Variants in MAF observed in about 807,000 individuals in gnomAD.
The protein encoded by MAF is MAF bZIP transcription factor, also known as transcription factor Maf.
In MAF, 10 loss-of-function variants were observed where a neutral mutation model predicts 22.0. That is an observed-to-expected ratio of 0.45 (90% CI 0.28 to 0.77). The LOEUF is 0.77. Among genes scored for constraint, MAF ranks in the 30% least tolerant of loss-of-function variants. The probability of loss-of-function intolerance (pLI) is 0.12; values close to 1 mark genes in which losing one functional copy is unlikely to be tolerated. For synonymous variants in MAF, 337 were observed against 255.8 expected, an observed-to-expected ratio of 1.32 and a Z score of -3.03; for missense variants, 544 against 548.4, an observed-to-expected ratio of 0.99 and a Z score of 0.08.
the MAF span, among the ~76,000 whole-genome samples, chr16:79,219,232 C>T: frequency 6.6e-6 from 1 of 152,170 alleles, no homozygotes; most frequent in Admixed American, 6.5e-5. Flanking sequence ...CTGATGTTCA[C>T]CAAGAGCTTG....
chr16:79,246,843 T>G, the MAF span, among the ~76,000 whole-genome samples: 18 of 152,156 alleles, frequency 1.2e-4, 1 homozygote, highest in Admixed American at 1.0e-3. Context: ...CATCCATCCA[T>G]CCATCCATCT....
chr16:79,533,738 C>T, the MAF span, among the ~76,000 whole-genome samples: 1 of 152,138 alleles, frequency 6.6e-6, no homozygotes, highest in African/African-American at 2.4e-5. Flanking sequence ...ACCTCTCCGC[C>T]ACCTCCCAGT....
the MAF span, among the ~76,000 whole-genome samples, chr16:79,247,302 G>A: frequency 6.6e-6 from 1 of 152,228 alleles, no homozygotes; most frequent in African/African-American, 2.4e-5. Flanking sequence ...TTACTGGCAT[G>A]TCAATGGAGA....
At chr16:79,387,873 T>C in the MAF span, among the ~76,000 whole-genome samples, 3 of 152,232 alleles carry the variant, frequency 2.0e-5, no homozygotes, top group African/African-American at 7.2e-5. Flanking sequence ...TAATTTCTTA[T>C]TAATTAAACT....
chr16:79,216,131 ATATG>A, the MAF span, among the ~76,000 whole-genome samples: 437 of 150,826 alleles, frequency 2.9e-3, 5 homozygotes, highest in Admixed American at 0.022. Context: ...GCACATCTGT[ATATG>A]TATATGTCAT....
the MAF span, among the ~76,000 whole-genome samples, chr16:79,351,414 C>G: frequency 2.6e-5 from 4 of 152,292 alleles, no homozygotes; most frequent in South Asian, 8.3e-4. Context: ...GGTTCATGCT[C>G]CAGGCTTGCG....
At chr16:79,570,611 C>T in the MAF span, among the ~76,000 whole-genome samples, 3 of 152,136 alleles carry the variant, frequency 2.0e-5, no homozygotes, top group East Asian at 1.9e-4. Flanking sequence ...AATGGTGTGC[C>T]GCTAGGTGTT....
the MAF span, among the ~76,000 whole-genome samples, chr16:79,330,904 T>C: frequency 6.6e-6 from 1 of 152,178 alleles, no homozygotes; most frequent in Admixed American, 6.5e-5. Context: ...TCCCATCCCT[T>C]CTGCAAAGCC....
the MAF span, among the ~76,000 whole-genome samples, chr16:79,392,185 A>AAGAAGGAGAG: frequency 1.4e-5 from 2 of 145,888 alleles, no homozygotes; most frequent in Non-Finnish European, 3.0e-5. Context: ...GAAGGAAGAG[A>AAGAAGGAGAG]AGAAGGAGAG....
the MAF span, among the ~76,000 whole-genome samples, chr16:79,425,651 G>A: frequency 6.9e-6 from 1 of 144,300 alleles, no homozygotes; most frequent in Non-Finnish European, 1.5e-5. Flanking sequence ...CATATATGGA[G>A]CATCAATTTA....
the MAF span, among the ~76,000 whole-genome samples, chr16:79,494,709 C>T: frequency 6.6e-6 from 1 of 152,154 alleles, no homozygotes; most frequent in African/African-American, 2.4e-5. Context: ...TCTCAGCAGA[C>T]ACTGACTGAG....
the MAF span, among the ~76,000 whole-genome samples, chr16:79,292,596 C>G: frequency 1.3e-5 from 2 of 152,110 alleles, no homozygotes. Context: ...GGCATTTGAA[C>G]CAGGCAACTC....
the MAF span, among the ~76,000 whole-genome samples, chr16:79,372,637 G>T: frequency 6.6e-6 from 1 of 152,122 alleles, no homozygotes; most frequent in African/African-American, 2.4e-5. Context: ...CGGTCTGGCG[G>T]GTGAGCCCCC....
At chr16:79,463,770 A>T in the MAF span, among the ~76,000 whole-genome samples, 1 of 152,190 alleles carries the variant, frequency 6.6e-6, no homozygotes, top group Non-Finnish European at 1.5e-5. Flanking sequence ...AACATTTTAA[A>T]AAAACATGCA....
chr16:79,586,468 T>A (rs916292500), intron 1 of MAF, among the ~76,000 whole-genome samples: 1 of 152,242 alleles, frequency 6.6e-6, no homozygotes, highest in Non-Finnish European at 1.5e-5. Flanking sequence ...TAACTGCAAA[T>A]GTTCTTTTAA....
At chr16:79,437,913 G>A in the MAF span, among the ~76,000 whole-genome samples, 1 of 152,152 alleles carries the variant, frequency 6.6e-6, no homozygotes, top group African/African-American at 2.4e-5. Flanking sequence ...CCAGGCGGGA[G>A]GTTTCCGCCT....
chr16:79,253,333 T>C, the MAF span, among the ~76,000 whole-genome samples: 2 of 152,182 alleles, frequency 1.3e-5, no homozygotes, highest in Non-Finnish European at 2.9e-5. Flanking sequence ...CCGGGCCTTT[T>C]CCCTGGACTA....
the MAF span, among the ~76,000 whole-genome samples, chr16:79,569,791 T>C: frequency 6.6e-6 from 1 of 152,206 alleles, no homozygotes; most frequent in East Asian, 1.9e-4. Flanking sequence ...CAGATGATTT[T>C]CACAAGTGAC....
the MAF span, among the ~76,000 whole-genome samples, chr16:79,442,167 C>T: frequency 6.6e-6 from 1 of 152,176 alleles, no homozygotes. Flanking sequence ...TAAGCCACCA[C>T]ATTTATAGGA....
Sources: gnomAD v4.1 joint callset for allele counts (sites outside exome capture counted in the v4.1 genomes callset) on GRCh38, gnomAD v4.1.1 for gene constraint, MANE v1.5 for transcripts, NCBI Gene and HGNC (gene_info 2026-07-23, HGNC 2026-07-21) for gene names.